C1orf167: variants seen among roughly 807,000 people sequenced by gnomAD.
C1orf167 encodes the protein chromosome 1 open reading frame 167.
C1orf167 carries 153 observed loss-of-function variants against 176.5 expected under a neutral mutation model. The observed-to-expected ratio is 0.87, with a 90% CI of 0.76 to 0.99. The LOEUF is 0.99. C1orf167 is among the 50% of genes least tolerant of loss of function. The pLI, the probability that C1orf167 is intolerant of heterozygous loss-of-function variation, is 0.00. For synonymous variants in C1orf167, 594 were observed against 752.7 expected, an observed-to-expected ratio of 0.79 and a Z score of 3.45; for missense variants, 1,490 against 1,817.7, an observed-to-expected ratio of 0.82 and a Z score of 3.28.
chr1:11,785,424 C>A (rs570774335), intron 16 of C1orf167, 135 bp downstream of exon 16: 1 of 986,772 alleles, frequency 1.0e-6, no homozygotes, highest in Non-Finnish European at 1.3e-6. Context: ...AAAAATGACC[C>A]TCGGACCACC....
chr1:11,775,745 G>T, intron 9 of C1orf167, 135 bp downstream of exon 9: 1 of 1,123,088 alleles, frequency 8.9e-7, no homozygotes, highest in Non-Finnish European at 1.2e-6. Flanking sequence ...CTGTAGGCCT[G>T]GGAGGGTGCA....
At position 11,762,309 on chromosome 1, in the gene C1orf167, A is replaced by G. The variant is rs2100799518; in HGVS notation, c.-71+4A>G. 5.3e-6 allele frequency: 2 copies of G among 379,164 alleles called. No individual in the cohort carries two copies. The highest frequency in any genetic ancestry group is 2.2e-5 in the African/African-American group (1 of 46,088). The allele number at this position is 379,164 out of a possible 1,614,324, so 23.5% of individuals were successfully genotyped here. The stretch of plus-strand genomic sequence containing the variant: ...GACCCGAGGAGGACCCACGCACGTG[A>G]GGGCAGATCCATGAGGGCAGGAAAC... On this transcript the variant is annotated splice_donor_region_variant and intron_variant, in intron 1 of 20. Transcript: ENST00000688073.
Position 11,779,057 on chromosome 1 carries a change from G to C in C1orf167, c.2628G>C (p.Trp876Cys), listed in dbSNP as rs1278594300. 7.9e-7 allele frequency: 1 copy of C among 1,269,294 alleles called. No individual in the cohort carries two copies. Among genetic ancestry groups the C allele is most frequent in the Admixed American group, 2.6e-5 (1 of 38,714 alleles). The allele number at this position is 1,269,294 out of a possible 1,614,324, so 78.6% of individuals were successfully genotyped here. ...AGCAGTTCCAGGGCACAGCCAGGTGGTACCAGCATACCCGCCAGAGGCGGT... is the reference window on the plus strand; with the variant it reads ...AGCAGTTCCAGGGCACAGCCAGGTGCTACCAGCATACCCGCCAGAGGCGGT... The part of the protein sequence containing the change: ...RAQQFQGTAR[W>C]YQHTRQRRIF... Residue 876 changes from tryptophan to cysteine, a missense_variant, in exon 12 of 21, where the codon TGG (tryptophan) becomes TGC (cysteine). By Grantham distance (215) the Trp-to-Cys change is radical. Coordinates refer to ENST00000688073, the MANE Select transcript of C1orf167 (RefSeq NM_001010881.2).
In C1orf167 at chr1:11,768,197, C is replaced by T. The variant is rs1298007974; in HGVS notation, c.1464C>T (p.Ala488=). ...RWQLLRKCLQ[A]LWLREAQLEA... ...AGCTGTTGCGAAAGTGCCTTCAGGC[C>T]TTGTGGCTCCGGGAGGCTCAGCTGG... Residue 488 remains alanine, a synonymous_variant, in exon 5 of 21, where the codon GCC becomes GCT. Transcript: ENST00000688073. This position sits in a 1 kb window ranked among gnomAD's most constrained non-coding sequence, Gnocchi z 4.5. 5.4e-6 allele frequency: 7 copies of T among 1,289,656 alleles called. No homozygotes were observed. The highest frequency in any genetic ancestry group is 7.1e-6 in the Non-Finnish European group (7 of 988,778). The allele number at this position is 1,289,656 out of a possible 1,614,324, so 79.9% of individuals were successfully genotyped here.
intron 6 of C1orf167, among the ~76,000 whole-genome samples, chr1:11,771,246 G>T (rs72638683): frequency 0.1 from 15,172 of 150,530 alleles, 826 homozygotes; most frequent in South Asian, 0.19. Context: ...TTGAACAAAT[G>T]TATTTAAATA....
At position 11,768,078 on chromosome 1, in the gene C1orf167, T is replaced by G; in HGVS notation, c.1345T>G (p.Trp449Gly). The G allele has an allele frequency of 7.8e-7, 1 of 1,284,966 alleles. No homozygotes were observed. Among genetic ancestry groups the G allele is most frequent in the Non-Finnish European group, 1.0e-6 (1 of 986,216 alleles). 79.6% of individuals were successfully genotyped at this position (1,284,966 alleles called of 1,614,324 possible). Residue 449 changes from tryptophan (W) to glycine (G), a missense_variant and splice_region_variant, in exon 5 of 21, where the codon TGG (tryptophan) becomes GGG (glycine). Transcript: ENST00000688073. This position sits in a 1 kb window ranked among gnomAD's most constrained non-coding sequence, Gnocchi z 4.5. ...TGATCAGCCCTGGTCTGTCCCCAGC[T>G]GGCAGCTGTTGTCCAGATGTTTTCG... ...ITAPESEAIC[W>G]QLLSRCFRSW...
At chr1:11,776,913 C>T (rs1643346018) in intron 10 of C1orf167, among the ~76,000 whole-genome samples, 2 of 152,174 alleles carry the variant, frequency 1.3e-5, no homozygotes, top group Non-Finnish European at 2.9e-5. Context: ...TGGAGCTCTA[C>T]AGGGGTGGCC....
chr1:11,772,389 C>T (rs778092525), intron 8 of C1orf167, 130 bp downstream of exon 8: 277 of 811,170 alleles, frequency 3.4e-4, no homozygotes, highest in Non-Finnish European at 4.2e-4. Flanking sequence ...CTCAGCCTCT[C>T]GAGTAGCTGG....
At chr1:11,785,409 G>A (rs951393064) in intron 16 of C1orf167, 120 bp downstream of exon 16, 1 of 1,083,586 alleles carries the variant, frequency 9.2e-7, no homozygotes, top group Non-Finnish European at 1.2e-6. Context: ...CAGGGCGGGA[G>A]GTCCAAAAAT....
chr1:11,765,114 AG>A (rs1298590669), intron 2 of C1orf167, among the ~76,000 whole-genome samples: 1 of 151,070 alleles, frequency 6.6e-6, no homozygotes. Context: ...GAAGGGGAGC[AG>A]CCCAAGAACA....
rs1036675416 is a variant in C1orf167, at chr1:11,765,944, G to A, written c.158G>A (p.Gly53Glu). Residue 53 changes from glycine to glutamate, a missense_variant, in exon 3 of 21, where the codon GGG becomes GAG. By Grantham distance (98) the Gly-to-Glu change is moderately conservative (BLOSUM62 -2). Transcript: ENST00000688073. ...CCCGGGTGCCAGGTGGAGAGGGGAG[G>A]GCCTGCTGCCACACCCTCCCCAGGG... is the stretch of plus-strand genomic sequence containing the variant. ...WVPGCQVERG[G>E]PAATPSPGAV... 8.7e-6 allele frequency: 11 copies of A among 1,262,416 alleles called. No homozygotes were observed. The African/African-American group carries it at 1.1e-4, about 12-fold the overall frequency. The allele number at this position is 1,262,416 out of a possible 1,614,324, so 78.2% of individuals were successfully genotyped here.
At chr1:11,787,253 C>T (rs1256778563) in intron 16 of C1orf167, 135 bp from the exon 17 acceptor site, 2 of 366,118 alleles carry the variant, frequency 5.5e-6, no homozygotes, top group Non-Finnish European at 9.5e-6. Context: ...GTTGGAATGT[C>T]TTCAGCCACA....
intron 17 of C1orf167, 160 bp downstream of exon 17, chr1:11,787,653 TGAGAA>T (rs2100452474): frequency 1.2e-6 from 1 of 864,968 alleles, no homozygotes; most frequent in South Asian, 1.8e-5. Context: ...TCAGCTGTTC[TGAGAA>T]AACACTTTGC....
chr1:11,781,802 C>T (rs936371705), intron 13 of C1orf167, among the ~76,000 whole-genome samples: 7 of 150,940 alleles, frequency 4.6e-5, no homozygotes, highest in Admixed American at 2.7e-4. Flanking sequence ...CCCAGCTACT[C>T]GGGAGGCTGA....
rs565464721 is a variant in C1orf167 at position 11,763,292 on chromosome 1, T to C, written c.-71+987T>C. On this transcript the variant is annotated intron_variant, in intron 1 of 20. Coordinates refer to ENST00000688073, the MANE Select transcript of C1orf167 (RefSeq NM_001010881.2). ...CTGTCTCTACCAAAAAATAGAAAAA[T>C]TAGTCTGGCGTGGTGGCATGTGCCT... Among the ~76,000 whole-genome samples, 4 of 151,996 alleles carry C rather than the reference T, an allele frequency of 2.6e-5. No homozygotes were observed. The South Asian group carries it at 8.3e-4, about 32-fold the overall frequency.
At chr1:11,762,903 G>A (rs554574228) in intron 1 of C1orf167, among the ~76,000 whole-genome samples, 7 of 152,316 alleles carry the variant, frequency 4.6e-5, no homozygotes, top group Admixed American at 3.9e-4. Flanking sequence ...TTAGGTGGCC[G>A]CAAGTGCAGG....
Position 11,768,966 on chromosome 1 carries a change from G to A in C1orf167, c.1543-7G>A, listed in dbSNP as rs1478351808. The A allele has an allele frequency of 1.0e-6, 1 of 985,940 alleles. No homozygotes were observed. Among genetic ancestry groups the A allele is most frequent in the East Asian group, 1.1e-4 (1 of 8,814 alleles). 61.1% of individuals were successfully genotyped at this position (985,940 alleles called of 1,614,324 possible). Reference sequence around the variant, plus strand: ...AACATCTCCTTTCCCCTTCTCTCTTGAGCCAGTGGAGAAACCTGGCTTTAC... The same window carrying A: ...AACATCTCCTTTCCCCTTCTCTCTTAAGCCAGTGGAGAAACCTGGCTTTAC... On this transcript the variant is annotated splice_polypyrimidine_tract_variant and splice_region_variant and intron_variant, in intron 5 of 20. Coordinates refer to ENST00000688073, the MANE Select transcript of C1orf167 (RefSeq NM_001010881.2). This position sits in a 1 kb window ranked among gnomAD's most constrained non-coding sequence, Gnocchi z 4.5.
Position 11,787,511 on chromosome 1 carries a change from CG to C in C1orf167, c.3673+23del. The C allele has an allele frequency of 7.8e-7, 1 of 1,288,284 alleles. No homozygotes were observed. Among genetic ancestry groups the C allele is most frequent in the Non-Finnish European group, 1.0e-6 (1 of 980,584 alleles). The allele number at this position is 1,288,284 out of a possible 1,614,324, so 79.8% of individuals were successfully genotyped here. On this transcript the variant is annotated intron_variant, in intron 17 of 20. Coordinates refer to ENST00000688073, the MANE Select transcript of C1orf167 (RefSeq NM_001010881.2). ...GGCTCAGAGTAAGGAGACCTTGCCC[CG>C]GGGGACAAACGGTGTCTGAAGTGCA...
chr1:11,787,353 G>GGGGT (rs1192682752), intron 16 of C1orf167, 35 bp from the exon 17 acceptor site: 1 of 1,230,468 alleles, frequency 8.1e-7, no homozygotes, highest in Non-Finnish European at 1.1e-6. Context: ...CCAAGCCCAT[G>GGGGT]GGGTTCAGGT....
Sources: gnomAD v4.1 joint callset for allele counts (sites outside exome capture counted in the v4.1 genomes callset) on GRCh38, gnomAD v4.1.1 for gene constraint, Gnocchi (gnomAD v3.1) non-coding constraint, MANE v1.5 for transcripts, NCBI Gene and HGNC (gene_info 2026-07-23, HGNC 2026-07-21) for gene names.